Variants in PRKD1 observed in about 807,000 individuals in gnomAD.
The protein encoded by PRKD1 is serine/threonine-protein kinase D1.
PRKD1 carries 63 observed loss-of-function variants against 95.9 expected under a neutral mutation model. The ratio of observed to expected loss-of-function variants is 0.66; its 90% CI spans 0.54 to 0.81. The LOEUF is 0.81. PRKD1 is among the 30% of genes least tolerant of loss of function. The pLI, the probability that PRKD1 is intolerant of heterozygous loss-of-function variation, is 0.00. For synonymous variants in PRKD1, 425 were observed against 423.1 expected, an observed-to-expected ratio of 1.00 and a Z score of -0.05; for missense variants, 1,048 against 1,165.3, an observed-to-expected ratio of 0.90 and a Z score of 1.47.
chr14:29,817,241 C>T (rs1477448832), intron 1 of PRKD1, among the ~76,000 whole-genome samples: 1 of 152,110 alleles, frequency 6.6e-6, no homozygotes, highest in Admixed American at 6.5e-5. Flanking sequence ...TGATCAGGGG[C>T]CCATTGGCAC....
intron 13 of PRKD1, among the ~76,000 whole-genome samples, chr14:29,618,488 T>C (rs1879021711): frequency 1.3e-5 from 2 of 152,150 alleles, no homozygotes; most frequent in African/African-American, 2.4e-5. Context: ...ACTCCTGACC[T>C]CAGGTGATCC....
chr14:29,710,557 C>T (rs1210730983), intron 2 of PRKD1, among the ~76,000 whole-genome samples: 1 of 151,972 alleles, frequency 6.6e-6, no homozygotes, highest in African/African-American at 2.4e-5. Flanking sequence ...TCTGAGAAAC[C>T]GTCACAGACC....
chr14:29,763,791 C>T (rs1476668850), intron 1 of PRKD1, among the ~76,000 whole-genome samples: 1 of 151,156 alleles, frequency 6.6e-6, no homozygotes, highest in Non-Finnish European at 1.5e-5. Context: ...CTGCTCTCTC[C>T]TCCCTCTTTC....
intron 1 of PRKD1, among the ~76,000 whole-genome samples, chr14:29,736,457 A>T (rs1320827710): frequency 2.0e-5 from 3 of 152,200 alleles, no homozygotes; most frequent in African/African-American, 7.2e-5. Context: ...TTTGGTCATA[A>T]TCATCTGTTT....
intron 12 of PRKD1, among the ~76,000 whole-genome samples, chr14:29,624,911 C>T (rs1879517131): frequency 6.6e-6 from 1 of 152,144 alleles, no homozygotes; most frequent in Admixed American, 6.6e-5. Context: ...TTCTACGGAG[C>T]ACCCCCAAGT....
chr14:29,632,448 C>T (rs960419588), intron 9 of PRKD1, among the ~76,000 whole-genome samples: 16 of 151,946 alleles, frequency 1.1e-4, no homozygotes, highest in Admixed American at 9.2e-4. Flanking sequence ...GAGGAAAGTG[C>T]TCTTTGTGAA....
chr14:29,856,264 G>C (rs957932281), intron 1 of PRKD1, among the ~76,000 whole-genome samples: 1 of 152,154 alleles, frequency 6.6e-6, no homozygotes, highest in Non-Finnish European at 1.5e-5. Context: ...GAGACAAGCA[G>C]ATCATTCTAT....
chr14:29,826,804 C>CATATAT (rs1303314668), intron 1 of PRKD1, among the ~76,000 whole-genome samples: 2 of 33,504 alleles, frequency 6.0e-5, no homozygotes, highest in Non-Finnish European at 1.1e-4. Flanking sequence ...TATATATACA[C>CATATAT]ATATATATAC....
chr14:29,772,498 G>A (rs993843683), intron 1 of PRKD1, among the ~76,000 whole-genome samples: 11 of 152,042 alleles, frequency 7.2e-5, no homozygotes, highest in African/African-American at 1.2e-4. Flanking sequence ...TGTTATAGCC[G>A]CCCAAATGGA....
intron 2 of PRKD1, among the ~76,000 whole-genome samples, chr14:29,715,988 C>T (rs1885588476): frequency 6.6e-6 from 1 of 152,234 alleles, no homozygotes; most frequent in South Asian, 2.1e-4. Context: ...CCTGTTGTGC[C>T]ATCAAGGCCC....
intron 1 of PRKD1, among the ~76,000 whole-genome samples, chr14:29,919,232 A>C (rs1449367728): frequency 6.6e-6 from 1 of 152,226 alleles, no homozygotes; most frequent in East Asian, 1.9e-4. Flanking sequence ...CTAAGCTACT[A>C]TATCAATTGT....
In PRKD1 at chr14:29,821,887, C is replaced by T. The variant is rs551325886; in HGVS notation, c.265-96213G>A. Among the ~76,000 whole-genome samples the T allele has an allele frequency of 2.6e-5, 4 of 152,104 alleles. No homozygotes were observed. In the East Asian group the frequency reaches 5.8e-4, roughly 22 times the overall value. On this transcript the variant is annotated intron_variant, in intron 1 of 17. Coordinates refer to ENST00000331968, the MANE Select transcript of PRKD1 (RefSeq NM_002742.3). The stretch of plus-strand genomic sequence containing the variant: ...CTGCACACACACACCCACACACAAC[C>T]TCCTCAAGCAGACAGACTCCACAGT...
At chr14:29,867,519 T>G (rs1489853718) in intron 1 of PRKD1, among the ~76,000 whole-genome samples, 1 of 152,120 alleles carries the variant, frequency 6.6e-6, no homozygotes, top group Non-Finnish European at 1.5e-5. Flanking sequence ...TGAAATACAA[T>G]GAAATGAGGT....
chr14:29,688,762 T>A (rs953709255), intron 2 of PRKD1, among the ~76,000 whole-genome samples: 2 of 151,794 alleles, frequency 1.3e-5, no homozygotes, highest in African/African-American at 2.4e-5. Context: ...TGAAACCTCA[T>A]CTCTACTAAA....
chr14:29,758,186 A>G lies in PRKD1; in HGVS notation c.265-32512T>C, dbSNP rs1319516748. ...AGAGGGAGATTAAAGCATGGAAGAG[A>G]GAAAGAAAAAAAAAAAAGCTACTTC... On this transcript the variant is annotated intron_variant, in intron 1 of 17. Coordinates refer to ENST00000331968, the MANE Select transcript of PRKD1 (RefSeq NM_002742.3). Among the ~76,000 whole-genome samples, 8 of 141,676 alleles carry G rather than the reference A, an allele frequency of 5.6e-5. No individual in the cohort carries two copies. The East Asian group carries it at 1.6e-3, about 28-fold the overall frequency. 92.9% of individuals were successfully genotyped at this position (141,676 alleles called of 152,430 possible).
chr14:29,707,303 A>T (rs925165087), intron 2 of PRKD1, among the ~76,000 whole-genome samples: 1 of 152,186 alleles, frequency 6.6e-6, no homozygotes, highest in Admixed American at 6.5e-5. Flanking sequence ...CAACAAGGAA[A>T]CTATTCCAGT....
intron 1 of PRKD1, among the ~76,000 whole-genome samples, chr14:29,920,547 T>C (rs1361722806): frequency 6.6e-6 from 1 of 151,560 alleles, no homozygotes; most frequent in African/African-American, 2.4e-5. Context: ...TACTAGTTAT[T>C]TGGTATAGTT....
At chr14:29,636,037 T>C (rs1240680492) in intron 7 of PRKD1, among the ~76,000 whole-genome samples, 7 of 53,812 alleles carry the variant, frequency 1.3e-4, no homozygotes, top group Non-Finnish European at 2.7e-4. Context: ...TGAGCATCTC[T>C]CACATGCAAA....
At chr14:29,689,550 G>A (rs1021126666) in intron 2 of PRKD1, among the ~76,000 whole-genome samples, 5 of 152,164 alleles carry the variant, frequency 3.3e-5, no homozygotes, top group African/African-American at 1.2e-4. Flanking sequence ...CAGCCATTAT[G>A]GAAGACAGTG....
Sources: allele counts gnomAD v4.1 joint callset (sites outside exome capture counted in the v4.1 genomes callset), GRCh38; gene constraint gnomAD v4.1.1; transcripts MANE v1.5; gene names NCBI Gene and HGNC (gene_info 2026-07-23, HGNC 2026-07-21).